Variants in ACOT7 observed in about 807,000 individuals in gnomAD.
The protein encoded by ACOT7 is acyl-CoA thioesterase 7.
In ACOT7, 12 loss-of-function variants were observed where a neutral mutation model predicts 40.2. The observed-to-expected ratio is 0.30, with a 90% CI of 0.19 to 0.48. The LOEUF (loss-of-function observed/expected upper bound fraction) is 0.48. Ranked by LOEUF, ACOT7 falls within the 20% of genes least tolerant of loss-of-function variation. The pLI is 0.99. For synonymous variants in ACOT7, 228 were observed against 219.5 expected (o/e 1.04, Z -0.34); for missense variants, 395 against 530.8 (o/e 0.74, Z 2.51).
chr1:6,277,955 C>T (rs1341353658), intron 8 of ACOT7, among the ~76,000 whole-genome samples: 3 of 152,158 alleles, frequency 2.0e-5, no homozygotes, highest in African/African-American at 4.8e-5. Context: ...ATGAGGAAAC[C>T]GAGGCACATA....
chr1:6,388,737 TAAAAAAA>T (rs34026058), intron 1 of ACOT7, among the ~76,000 whole-genome samples: 3 of 84,638 alleles, frequency 3.5e-5, no homozygotes, highest in Non-Finnish European at 7.0e-5. Context: ...GAGACTCTCT[TAAAAAAA>T]AAAAAAAAAA....
rs78203431 is a variant in ACOT7 at position 6,295,205 on chromosome 1, C to T, written c.713-225G>A. ...AACGACCATGGCTGATATGCCAAGC[C>T]ACTAACAAAACAGCCCTTTTCCTGT... is the stretch of plus-strand genomic sequence containing the variant. On this transcript the variant is annotated intron_variant, in intron 6 of 8. Coordinates refer to ENST00000361521, the MANE Select transcript of ACOT7 (RefSeq NM_007274.4). The T allele has an allele frequency of 1.1e-3, 493 of 467,764 alleles. 5 individuals are homozygous for T. The highest frequency in any genetic ancestry group is 9.0e-3 in the African/African-American group (461 of 51,016). The allele number at this position is 467,764 out of a possible 1,614,324, so 29.0% of individuals were successfully genotyped here.
At chr1:6,366,873 C>T (rs904318360) in intron 1 of ACOT7, among the ~76,000 whole-genome samples, 10 of 151,980 alleles carry the variant, frequency 6.6e-5, no homozygotes, top group Non-Finnish European at 1.2e-4. Flanking sequence ...AAGATGGTCT[C>T]GATCTCCTAG....
At position 6,294,822 on chromosome 1, in the gene ACOT7, G is replaced by A. The variant is rs762657749; in HGVS notation, c.829+42C>T. 37 of 1,552,398 alleles carry A rather than the reference G, an allele frequency of 2.4e-5. No homozygotes were observed. The highest frequency in any genetic ancestry group is 1.7e-4 in the Middle Eastern group (1 of 5,950). On this transcript the variant is annotated intron_variant, in intron 7 of 8. Transcript: ENST00000361521. This position sits in a 1 kb window ranked among gnomAD's most constrained non-coding sequence, Gnocchi z 4.6. ...AACTGGTGCAGGGACCCAAGCAGCC[G>A]AGGGCCACTGCCTCCCTCGTCTTTG... is the stretch of plus-strand genomic sequence containing the variant.
intron 1 of ACOT7, among the ~76,000 whole-genome samples, chr1:6,384,727 A>C (rs1642406919): frequency 6.6e-6 from 1 of 151,668 alleles, no homozygotes; most frequent in South Asian, 2.1e-4. Context: ...TAGGGCCCCC[A>C]GCCACCAGTT....
chr1:6,363,419 C>T (rs569560626), intron 1 of ACOT7, among the ~76,000 whole-genome samples: 1 of 151,674 alleles, frequency 6.6e-6, no homozygotes, highest in East Asian at 1.9e-4. Flanking sequence ...GAGGGCCTGA[C>T]ATCAGTCAGG....
chr1:6,269,373 A>G (rs1388240372), intron 8 of ACOT7, among the ~76,000 whole-genome samples: 1 of 152,202 alleles, frequency 6.6e-6, no homozygotes, highest in Admixed American at 6.5e-5. Context: ...ACAGCCTAGG[A>G]GCACTTGCTG....
At chr1:6,350,275 A>C (rs1203434996) in intron 1 of ACOT7, among the ~76,000 whole-genome samples, 1 of 152,022 alleles carries the variant, frequency 6.6e-6, no homozygotes, top group Non-Finnish European at 1.5e-5. Flanking sequence ...GACCACCACC[A>C]CCCCCGTCAG....
At chr1:6,360,292 G>C (rs952857667) in intron 1 of ACOT7, among the ~76,000 whole-genome samples, 1 of 152,234 alleles carries the variant, frequency 6.6e-6, no homozygotes, top group Non-Finnish European at 1.5e-5. Context: ...GGAGGTCAGA[G>C]GGCTGAGTCT....
intron 8 of ACOT7, among the ~76,000 whole-genome samples, chr1:6,268,136 G>A (rs983502746): frequency 6.6e-6 from 1 of 152,286 alleles, no homozygotes; most frequent in East Asian, 1.9e-4. Flanking sequence ...TGAGATAAAA[G>A]GTTTTGAAAT....
chr1:6,324,076 A>G (rs879238437), intron 5 of ACOT7, among the ~76,000 whole-genome samples: 5 of 152,026 alleles, frequency 3.3e-5, no homozygotes, highest in Admixed American at 1.3e-4. Context: ...GCTGTTCCCC[A>G]TTGACCCGGA....
chr1:6,266,798 G>A (rs1638866482), intron 8 of ACOT7, among the ~76,000 whole-genome samples: 1 of 152,282 alleles, frequency 6.6e-6, no homozygotes, highest in Admixed American at 6.5e-5. Context: ...TGCCTACCTT[G>A]AAGACCCTGT....
At chr1:6,366,938 C>T (rs1642024489) in intron 1 of ACOT7, among the ~76,000 whole-genome samples, 1 of 151,804 alleles carries the variant, frequency 6.6e-6, no homozygotes, top group African/African-American at 2.4e-5. Flanking sequence ...GTGGCTCATG[C>T]CTGTAATCCC....
rs922300956 is a variant in ACOT7, at chr1:6,278,655, A to G, written c.1014+2447T>C. On this transcript the variant is annotated intron_variant, in intron 8 of 8. Transcript: ENST00000361521. This position sits in a 1 kb window ranked among gnomAD's most constrained non-coding sequence, Gnocchi z 4.1. ...CCAAGTCAATTTGGGAGTCAATACA[A>G]CACACAGGCGATGCTCGAGGCACAG... 6.6e-6 allele frequency among the ~76,000 whole-genome samples: 1 copy of G among 152,208 alleles called. No homozygotes were observed. Among genetic ancestry groups the G allele is most frequent in the Non-Finnish European group, 1.5e-5 (1 of 68,030 alleles).
intron 6 of ACOT7, among the ~76,000 whole-genome samples, chr1:6,312,873 G>C (rs951332047): frequency 1.2e-4 from 19 of 152,136 alleles, no homozygotes; most frequent in African/African-American, 4.3e-4. Flanking sequence ...GCTGTCCACA[G>C]ATGAAATTAA....
In ACOT7 at chr1:6,347,230, G is replaced by C. The variant is rs188903048; in HGVS notation, c.261+2519C>G. ...ACTCAGAGACCCCCTCCTAAGCCTA[G>C]AATTTCTGGATCACCATCCTGGGGA... On this transcript the variant is annotated intron_variant, in intron 2 of 8. Transcript: ENST00000361521. Among the ~76,000 whole-genome samples, 557 of 152,254 alleles carry C rather than the reference G, an allele frequency of 3.7e-3. 5 individuals are homozygous for C. The highest frequency in any genetic ancestry group is 0.013 in the African/African-American group (535 of 41,526).
At chr1:6,382,945 C>A (rs1642366579) in intron 1 of ACOT7, among the ~76,000 whole-genome samples, 1 of 151,388 alleles carries the variant, frequency 6.6e-6, no homozygotes, top group Non-Finnish European at 1.5e-5. Flanking sequence ...ATGTCACGAT[C>A]TTGGATCACT....
intron 1 of ACOT7, among the ~76,000 whole-genome samples, chr1:6,363,437 G>A (rs899635575): frequency 3.1e-4 from 47 of 152,250 alleles, no homozygotes; most frequent in African/African-American, 1.1e-3. Flanking sequence ...AGGCCTGCCC[G>A]CAGTTATCCG....
intron 6 of ACOT7, among the ~76,000 whole-genome samples, chr1:6,313,905 G>A (rs945387774): frequency 6.6e-6 from 1 of 152,138 alleles, no homozygotes; most frequent in Non-Finnish European, 1.5e-5. Flanking sequence ...TGCCTTTCTT[G>A]GGGAGCCACT....
Sources: gnomAD v4.1 joint callset for allele counts (sites outside exome capture counted in the v4.1 genomes callset) on GRCh38, gnomAD v4.1.1 for gene constraint, Gnocchi (gnomAD v3.1) non-coding constraint, MANE v1.5 for transcripts, NCBI Gene and HGNC (gene_info 2026-07-23, HGNC 2026-07-21) for gene names.